SPAG17: variants seen among roughly 807,000 people sequenced by gnomAD.
SPAG17 encodes sperm associated antigen 17.
A neutral mutation model predicts 273.6 loss-of-function variants in SPAG17; 169 were observed. The observed-to-expected ratio is 0.62, with a 90% CI of 0.55 to 0.70. The LOEUF (loss-of-function observed/expected upper bound fraction) is 0.70, where lower values mean the gene tolerates loss of function less well. Ranked by LOEUF, SPAG17 falls within the 30% of genes least tolerant of loss-of-function variation. The pLI is 0.00. For synonymous variants in SPAG17, 825 were observed against 873.2 expected, an observed-to-expected ratio of 0.94 and a Z score of 0.97; for missense variants, 2,557 against 2,627.8, an observed-to-expected ratio of 0.97 and a Z score of 0.59.
At chr1:117,988,968 G>A (rs146337881) in intron 38 of SPAG17, among the ~76,000 whole-genome samples, 2 of 152,190 alleles carry the variant, frequency 1.3e-5, no homozygotes, top group African/African-American at 4.8e-5. Flanking sequence ...TCCTGGAACT[G>A]TTTGTTTAAA....
chr1:118,168,128 T>C (rs1456053115), intron 1 of SPAG17, among the ~76,000 whole-genome samples: 1 of 152,152 alleles, frequency 6.6e-6, no homozygotes, highest in African/African-American at 2.4e-5. Flanking sequence ...TATTTCTTTA[T>C]AGCAATACAA....
At chr1:118,136,667 C>T (rs764163853) in intron 3 of SPAG17, among the ~76,000 whole-genome samples, 3 of 152,146 alleles carry the variant, frequency 2.0e-5, no homozygotes, top group South Asian at 2.1e-4. Flanking sequence ...CAGGGTGAAA[C>T]GGAGAAACTC....
intron 30 of SPAG17, among the ~76,000 whole-genome samples, chr1:118,009,914 G>A (rs1048306152): frequency 1.3e-4 from 20 of 151,830 alleles, no homozygotes; most frequent in African/African-American, 4.8e-4. Flanking sequence ...ACTATTCAGT[G>A]TTAAAAAAAA....
At chr1:118,016,594 G>A (rs1474198701) in intron 28 of SPAG17, among the ~76,000 whole-genome samples, 1 of 152,098 alleles carries the variant, frequency 6.6e-6, no homozygotes, top group Non-Finnish European at 1.5e-5. Flanking sequence ...TTGACATATT[G>A]GACTATAACA....
intron 40 of SPAG17, among the ~76,000 whole-genome samples, chr1:117,987,314 A>C (rs1403448153): frequency 1.3e-5 from 2 of 152,176 alleles, no homozygotes; most frequent in Non-Finnish European, 2.9e-5. Flanking sequence ...TTTATGAAGA[A>C]ACATATTAAT....
chr1:118,115,641 T>C (rs548102012), intron 3 of SPAG17, among the ~76,000 whole-genome samples, 200 bp from the exon 4 acceptor site: 14 of 152,078 alleles, frequency 9.2e-5, no homozygotes, highest in East Asian at 1.9e-4. Flanking sequence ...TTTAAATAAA[T>C]TGGATTGTCT....
chr1:118,055,692 C>A (rs757119572), intron 19 of SPAG17, 41 bp downstream of exon 19: 10 of 1,459,644 alleles, frequency 6.9e-6, no homozygotes, highest in Non-Finnish European at 9.4e-6. Flanking sequence ...GAAGAACGTT[C>A]TTGAATTTTA....
chr1:117,995,420 C>T (rs1332028731), intron 34 of SPAG17, among the ~76,000 whole-genome samples: 1 of 152,048 alleles, frequency 6.6e-6, no homozygotes, highest in African/African-American at 2.4e-5. Flanking sequence ...AACACCCAGC[C>T]AGTGTTTAGT....
In SPAG17 at chr1:117,983,893, A is replaced by G. The variant is rs755328009; in HGVS notation, c.5790T>C (p.Leu1930=). 2 of 1,611,094 alleles carry G rather than the reference A, an allele frequency of 1.2e-6. No individual in the cohort carries two copies. Among genetic ancestry groups the G allele is most frequent in the East Asian group, 2.2e-5 (1 of 44,814 alleles). ...TTGTAAAAGAAGGCAGTTTTTTGGA[A>G]AGACTGTCCAGGTGATTATACTGAA... ...YQSQYNHLDS[L]SKKLPSFTKK... The change falls in exon 42 of 49, where the codon CTT becomes CTC. Residue 1930 remains leucine, a synonymous_variant. Transcript: ENST00000336338.
intron 3 of SPAG17, among the ~76,000 whole-genome samples, chr1:118,132,259 G>GA (rs2102300108): frequency 6.6e-6 from 1 of 152,196 alleles, no homozygotes; most frequent in South Asian, 2.1e-4. Flanking sequence ...GAAGAGTGAC[G>GA]AGAGGAGAGC....
At chr1:118,148,727 G>A (rs1222823923) in intron 3 of SPAG17, among the ~76,000 whole-genome samples, 1 of 152,156 alleles carries the variant, frequency 6.6e-6, no homozygotes, top group Non-Finnish European at 1.5e-5. Context: ...AACAGAAATA[G>A]ATTCATGAGC....
chr1:118,098,789 C>G, intron 6 of SPAG17, among the ~76,000 whole-genome samples: 1 of 151,994 alleles, frequency 6.6e-6, no homozygotes, highest in East Asian at 1.9e-4. Context: ...AGACATGTGC[C>G]CAATATATGA....
chr1:118,069,554 A>G (rs142307628), intron 17 of SPAG17, among the ~76,000 whole-genome samples: 20 of 152,260 alleles, frequency 1.3e-4, no homozygotes, highest in Non-Finnish European at 2.8e-4. Flanking sequence ...TGGGAAAAAT[A>G]TGAGTGTCAT....
chr1:118,144,695 T>A (rs558088195), intron 3 of SPAG17, among the ~76,000 whole-genome samples: 7 of 152,216 alleles, frequency 4.6e-5, no homozygotes, highest in Non-Finnish European at 8.8e-5. Context: ...TCTGTAGGCA[T>A]CCCTGAAGGA....
chr1:118,099,518 CTA>C, intron 6 of SPAG17, 86 bp downstream of exon 6: 1 of 1,204,840 alleles, frequency 8.3e-7, no homozygotes, highest in Admixed American at 2.0e-5. Flanking sequence ...AATTGTAAGA[CTA>C]TGTTTTGGAC....
intron 15 of SPAG17, among the ~76,000 whole-genome samples, chr1:118,079,571 A>G (rs1272010862): frequency 1.3e-5 from 2 of 151,780 alleles, no homozygotes; most frequent in Non-Finnish European, 2.9e-5. Context: ...TATGTTTTCT[A>G]TTTCATTGAC....
intron 1 of SPAG17, among the ~76,000 whole-genome samples, chr1:118,171,192 G>A (rs1315647503): frequency 6.6e-6 from 1 of 152,114 alleles, no homozygotes; most frequent in Non-Finnish European, 1.5e-5. Flanking sequence ...AAAGATCATG[G>A]TCAATGAGTT....
At chr1:118,071,432 C>T (rs375041160) in intron 17 of SPAG17, among the ~76,000 whole-genome samples, 66 of 152,096 alleles carry the variant, frequency 4.3e-4, no homozygotes, top group African/African-American at 1.5e-3. Flanking sequence ...GGTGGATCAC[C>T]TGAGGTCAGG....
intron 43 of SPAG17, among the ~76,000 whole-genome samples, chr1:117,979,806 G>A (rs965394861): frequency 6.6e-6 from 1 of 152,010 alleles, no homozygotes; most frequent in African/African-American, 2.4e-5. Context: ...ATGAACTATT[G>A]CTCTCCTAAT....
Sources: allele counts gnomAD v4.1 joint callset (sites outside exome capture counted in the v4.1 genomes callset), GRCh38; gene constraint gnomAD v4.1.1; transcripts MANE v1.5; gene names NCBI Gene and HGNC (gene_info 2026-07-23, HGNC 2026-07-21).